CPNE4: variants seen among roughly 807,000 people sequenced by gnomAD.
CPNE4 encodes copine-4.
In CPNE4, 25 loss-of-function variants were observed where a neutral mutation model predicts 67.9. That is an observed-to-expected ratio of 0.37 (90% confidence interval 0.27 to 0.51). CPNE4 has a LOEUF of 0.51. Among genes scored for constraint, CPNE4 ranks in the 20% least tolerant of loss-of-function variants. CPNE4 has a pLI of 0.93. For synonymous variants in CPNE4, 242 were observed against 244.9 expected (o/e 0.99, Z 0.11); for missense variants, 464 against 690.8 (o/e 0.67, Z 3.68).
intron 1 of CPNE4, among the ~76,000 whole-genome samples, chr3:132,031,017 C>T (rs1186728220): frequency 6.6e-6 from 1 of 152,056 alleles, no homozygotes; most frequent in Non-Finnish European, 1.5e-5. Flanking sequence ...ATGTGTAACC[C>T]CAACCTAAAT....
intron 5 of CPNE4, among the ~76,000 whole-genome samples, chr3:131,689,257 G>A (rs1252852979): frequency 3.9e-5 from 6 of 152,134 alleles, no homozygotes; most frequent in African/African-American, 1.2e-4. Context: ...AAGAATTAGA[G>A]GACCTGGTGA....
chr3:131,850,571 T>C (rs1257547552), intron 2 of CPNE4, among the ~76,000 whole-genome samples: 1 of 152,148 alleles, frequency 6.6e-6, no homozygotes, highest in Admixed American at 6.6e-5. Flanking sequence ...AAGGAGCTAT[T>C]ACAGCTATGT....
intron 2 of CPNE4, among the ~76,000 whole-genome samples, chr3:131,891,241 T>C (rs2088101116): frequency 2.6e-5 from 4 of 152,090 alleles, no homozygotes; most frequent in Admixed American, 2.6e-4. Flanking sequence ...TACATTAATT[T>C]TATGAAGTTT....
intron 2 of CPNE4, among the ~76,000 whole-genome samples, chr3:131,888,939 A>C (rs2088003044): frequency 6.6e-6 from 1 of 152,188 alleles, no homozygotes; most frequent in Admixed American, 6.5e-5. Flanking sequence ...TGGCCAGCAG[A>C]CCAAAAGCTT....
intron 1 of CPNE4, among the ~76,000 whole-genome samples, chr3:131,976,081 G>GGT (rs371575747): frequency 7.3e-6 from 1 of 136,680 alleles, no homozygotes; most frequent in Non-Finnish European, 1.5e-5. Context: ...AATATTGTTG[G>GGT]TTTTTTTTTT....
chr3:131,749,877 G>A (rs1285174889), intron 2 of CPNE4, among the ~76,000 whole-genome samples: 2 of 152,064 alleles, frequency 1.3e-5, no homozygotes, highest in Non-Finnish European at 2.9e-5. Context: ...CCTGAGACTG[G>A]GTGATTTCTA....
chr3:131,548,255 A>G (rs1327669610), intron 14 of CPNE4, among the ~76,000 whole-genome samples: 2 of 152,142 alleles, frequency 1.3e-5, no homozygotes, highest in Non-Finnish European at 2.9e-5. Flanking sequence ...ATATATATAT[A>G]TGAAAAGTAG....
At chr3:131,629,826 G>A (rs74388538) in intron 7 of CPNE4, among the ~76,000 whole-genome samples, 18,686 of 151,916 alleles carry the variant, frequency 0.12, 1,410 homozygotes, top group African/African-American at 0.21. Flanking sequence ...TCACTTTATT[G>A]CAGTAGTTTG....
intron 2 of CPNE4, among the ~76,000 whole-genome samples, chr3:131,882,892 T>A (rs1056264875): frequency 6.6e-6 from 1 of 152,078 alleles, no homozygotes; most frequent in Non-Finnish European, 1.5e-5. Context: ...AATTTTTTTG[T>A]ATTTTTAATA....
At chr3:131,541,100 T>A (rs1338444636) in intron 15 of CPNE4, among the ~76,000 whole-genome samples, 1 of 152,150 alleles carries the variant, frequency 6.6e-6, no homozygotes, top group Non-Finnish European at 1.5e-5. Context: ...GCTGGGCATA[T>A]GCTCTCCTCT....
chr3:132,005,336 TATATATACAC>T (rs1348810645), intron 1 of CPNE4, among the ~76,000 whole-genome samples: 38 of 24,354 alleles, frequency 1.6e-3, no homozygotes, highest in Non-Finnish European at 3.0e-3. Context: ...TATATATATA[TATATATACAC>T]ACACACACAC....
chr3:131,584,806 A>G (rs1938072749), intron 8 of CPNE4, among the ~76,000 whole-genome samples: 1 of 152,142 alleles, frequency 6.6e-6, no homozygotes, highest in African/African-American at 2.4e-5. Context: ...TGAGGAACTT[A>G]ACTTGTTATT....
chr3:131,565,421 T>C (rs1267022090), intron 10 of CPNE4, among the ~76,000 whole-genome samples: 1 of 151,996 alleles, frequency 6.6e-6, no homozygotes. Context: ...ATTTGGTAAA[T>C]TTCATTACAA....
At position 131,921,231 on chromosome 3, in the gene CPNE4, C is replaced by T. The variant is rs147838762; in HGVS notation, c.-1-15787G>A. 2.4e-4 allele frequency among the ~76,000 whole-genome samples: 36 copies of T among 152,308 alleles called. No individual in the cohort carries two copies. In the East Asian group the frequency reaches 3.1e-3, roughly 13 times the overall value. On this transcript the variant is annotated intron_variant, in intron 1 of 15. Transcript: ENST00000429747. ...CCAACTGGATTAGAACACCAGAGTA[C>T]GTTCTTTAACTCTCAGGTCTCTCAG...
chr3:131,874,484 A>G (rs1037347822), intron 2 of CPNE4, among the ~76,000 whole-genome samples: 2 of 152,224 alleles, frequency 1.3e-5, no homozygotes, highest in South Asian at 2.1e-4. Context: ...GATACAGCCC[A>G]GGCCTGAAAA....
At chr3:131,950,136 C>G (rs2071679706) in intron 1 of CPNE4, among the ~76,000 whole-genome samples, 1 of 152,184 alleles carries the variant, frequency 6.6e-6, no homozygotes, top group Non-Finnish European at 1.5e-5. Flanking sequence ...GGGTTAGGCC[C>G]CTAAAAACTT....
At chr3:131,792,719 G>GTATA (rs774543857) in intron 2 of CPNE4, among the ~76,000 whole-genome samples, 9 of 69,336 alleles carry the variant, frequency 1.3e-4, no homozygotes, top group South Asian at 4.8e-4. Context: ...GTGTATATAT[G>GTATA]TATATATATA....
intron 5 of CPNE4, among the ~76,000 whole-genome samples, chr3:131,688,960 C>A (rs371084179): frequency 2.6e-5 from 4 of 152,030 alleles, no homozygotes; most frequent in Admixed American, 2.0e-4. Flanking sequence ...TATTACAATG[C>A]TTTTTCTATT....
intron 2 of CPNE4, among the ~76,000 whole-genome samples, chr3:131,792,687 G>GTA (rs751462123): frequency 0.042 from 1,918 of 46,172 alleles, 251 homozygotes; most frequent in African/African-American, 0.053. Flanking sequence ...ATACACACGT[G>GTA]TATATATACA....
Sources: gnomAD v4.1 joint callset for allele counts (sites outside exome capture counted in the v4.1 genomes callset) on GRCh38, gnomAD v4.1.1 for gene constraint, MANE v1.5 for transcripts, NCBI Gene and HGNC (gene_info 2026-07-23, HGNC 2026-07-21) for gene names.